Variants in CNTLN observed in about 807,000 individuals in gnomAD.
CNTLN encodes centlein, centrosomal protein.
A neutral mutation model predicts 180.0 loss-of-function variants in CNTLN; 212 were observed. The observed-to-expected ratio is 1.18, with a 90% confidence interval of 1.05 to 1.32. The LOEUF (loss-of-function observed/expected upper bound fraction) is 1.32. Among genes scored for constraint, CNTLN ranks in the 40% most tolerant of loss-of-function variants. CNTLN has a pLI of 0.00. For synonymous variants in CNTLN, 722 were observed against 563.1 expected, an observed-to-expected ratio of 1.28 and a Z score of -3.99; for missense variants, 2,095 against 1,610.9, an observed-to-expected ratio of 1.30 and a Z score of -5.14.
intron 2 of CNTLN, among the ~76,000 whole-genome samples, 178 bp from the exon 3 acceptor site, chr9:17,226,025 C>A (rs1824442931): frequency 6.6e-6 from 1 of 151,594 alleles, no homozygotes; most frequent in South Asian, 2.1e-4. Flanking sequence ...TGAAACTGTT[C>A]TTTTAGTATG....
At chr9:17,338,337 G>GGTTTTTT (rs369684809) in intron 10 of CNTLN, among the ~76,000 whole-genome samples, 4 of 100,436 alleles carry the variant, frequency 4.0e-5, no homozygotes, top group African/African-American at 1.5e-4. Context: ...GCTAATTTTT[G>GGTTTTTT]TTTTTTTTTT....
At chr9:17,343,955 T>C (rs981883481) in intron 12 of CNTLN, among the ~76,000 whole-genome samples, 2 of 152,194 alleles carry the variant, frequency 1.3e-5, no homozygotes, top group African/African-American at 4.8e-5. Context: ...TCCTAGACTA[T>C]CTTCTTTCAC....
intron 5 of CNTLN, among the ~76,000 whole-genome samples, chr9:17,250,929 T>A (rs115442295): frequency 2.6e-5 from 4 of 152,222 alleles, no homozygotes; most frequent in Non-Finnish European, 4.4e-5. Flanking sequence ...GCATTTCTTG[T>A]AGTGCATCTG....
At chr9:17,358,337 A>G (rs1210388159) in intron 12 of CNTLN, among the ~76,000 whole-genome samples, 3 of 152,114 alleles carry the variant, frequency 2.0e-5, no homozygotes, top group Non-Finnish European at 2.9e-5. Context: ...CTTAAAAAGC[A>G]AAAGTTGATT....
chr9:17,360,674 C>T (rs1037512900), intron 12 of CNTLN, among the ~76,000 whole-genome samples: 1 of 152,234 alleles, frequency 6.6e-6, no homozygotes, highest in South Asian at 2.1e-4. Context: ...TTAAGCAGAA[C>T]CTCTTTGTCA....
At position 17,364,082 on chromosome 9, in the gene CNTLN, T is replaced by TA. The variant is rs764753769; in HGVS notation, c.1887-2533dup. Among the ~76,000 whole-genome samples the TA allele has an allele frequency of 5.3e-5, 8 of 152,290 alleles. No homozygotes were observed. In the South Asian group the frequency reaches 1.7e-3, roughly 32 times the overall value. ...TCCTGAAGTTTCACTAAGACATTTT[T>TA]AAGTGTGAACAGAGTTTTATTTACT... is the stretch of plus-strand genomic sequence containing the variant. On this transcript the variant is annotated intron_variant, in intron 12 of 25. Transcript: ENST00000380647.
chr9:17,422,739 G>T (rs1828808206), intron 18 of CNTLN, among the ~76,000 whole-genome samples: 1 of 152,094 alleles, frequency 6.6e-6, no homozygotes, highest in Admixed American at 6.5e-5. Context: ...ATTTATTGAG[G>T]TCATGTTTTC....
rs867575664 is a variant in CNTLN, at chr9:17,157,431, A to C, written c.449+14055A>C. 1.1e-3 allele frequency among the ~76,000 whole-genome samples: 168 copies of C among 152,150 alleles called. 4 individuals are homozygous for C. The highest frequency in any genetic ancestry group is 0.011 in the Admixed American group (168 of 15,268). ...GGTTGAAGCAAGGTGAAGGTAGAGA[A>C]AGGGGGTGGGGTAAGAGGAAGAAAG... On this transcript the variant is annotated intron_variant, in intron 2 of 25. Coordinates refer to ENST00000380647, the MANE Select transcript of CNTLN (RefSeq NM_017738.4).
rs61193447 is a variant in CNTLN at position 17,244,218 on chromosome 9, G to GT, written c.849+7641dup. ...TTTTATAGGTTAGGTTTTTGTTTTT[G>GT]TTTTTTTTTTTGACACATGGTCTCG... On this transcript the variant is annotated intron_variant, in intron 5 of 25. Coordinates refer to ENST00000380647, the MANE Select transcript of CNTLN (RefSeq NM_017738.4). Among the ~76,000 whole-genome samples the GT allele has an allele frequency of 3.4e-3, 243 of 71,480 alleles. 3 individuals carry two copies. Among genetic ancestry groups the GT allele is most frequent in the Non-Finnish European group, 4.9e-3 (165 of 33,636 alleles). The allele number at this position is 71,480 out of a possible 152,430, so 46.9% of individuals were successfully genotyped here. A position where few individuals can be genotyped will look rare whatever the true frequency, so the allele number is the denominator to read the frequency against.
chr9:17,312,374 A>G (rs994023864), intron 8 of CNTLN, among the ~76,000 whole-genome samples: 2 of 57,628 alleles, frequency 3.5e-5, no homozygotes, highest in Non-Finnish European at 7.8e-5. Flanking sequence ...TTATATATAT[A>G]TATATATATA....
chr9:17,153,209 G>T (rs140129359), intron 2 of CNTLN, among the ~76,000 whole-genome samples: 1,596 of 152,246 alleles, frequency 0.01, 30 homozygotes, highest in African/African-American at 0.037. Context: ...GATGTTAGCT[G>T]GTTGTTTTGC....
chr9:17,235,564 T>G, intron 3 of CNTLN, 94 bp from the exon 4 acceptor site: 8 of 997,182 alleles, frequency 8.0e-6, no homozygotes, highest in Non-Finnish European at 1.2e-5. Flanking sequence ...TATTTAATCA[T>G]CACATTAGCA....
chr9:17,386,641 C>T (rs1434992688), intron 13 of CNTLN, among the ~76,000 whole-genome samples: 3 of 146,306 alleles, frequency 2.1e-5, no homozygotes, highest in South Asian at 2.1e-4. Context: ...GAGAAACAAA[C>T]GTCAGCAGAT....
intron 2 of CNTLN, among the ~76,000 whole-genome samples, chr9:17,205,387 A>G (rs1361632689): frequency 6.6e-6 from 1 of 152,240 alleles, no homozygotes; most frequent in African/African-American, 2.4e-5. Context: ...GAACAGGAGA[A>G]GGGAAGAGAC....
chr9:17,375,181 T>G (rs1376835212), intron 13 of CNTLN, among the ~76,000 whole-genome samples: 2 of 152,182 alleles, frequency 1.3e-5, no homozygotes. Flanking sequence ...AAAGACAGAC[T>G]TCACATGTTC....
At chr9:17,385,062 T>G (rs1004194928) in intron 13 of CNTLN, among the ~76,000 whole-genome samples, 3 of 152,220 alleles carry the variant, frequency 2.0e-5, no homozygotes, top group African/African-American at 7.2e-5. Context: ...GTTAATTTGC[T>G]AGAATGGCTC....
chr9:17,233,669 T>C (rs1185542356), intron 3 of CNTLN, among the ~76,000 whole-genome samples: 1 of 152,130 alleles, frequency 6.6e-6, no homozygotes, highest in Non-Finnish European at 1.5e-5. Flanking sequence ...TGATAAAAGA[T>C]GGATAAATAT....
chr9:17,372,831 A>G (rs960877501), intron 13 of CNTLN, among the ~76,000 whole-genome samples: 1 of 152,214 alleles, frequency 6.6e-6, no homozygotes, highest in East Asian at 1.9e-4. Flanking sequence ...ACATTTGGAC[A>G]TTAATCAATG....
chr9:17,409,137 A>G (rs542569708), intron 15 of CNTLN, among the ~76,000 whole-genome samples, 156 bp from the exon 16 acceptor site: 1 of 152,172 alleles, frequency 6.6e-6, no homozygotes, highest in Non-Finnish European at 1.5e-5. Context: ...ATTTAGATTC[A>G]TTTTCCCTTT....
Sources: gnomAD v4.1 joint callset for allele counts (sites outside exome capture counted in the v4.1 genomes callset) on GRCh38, gnomAD v4.1.1 for gene constraint, MANE v1.5 for transcripts, NCBI Gene and HGNC (gene_info 2026-07-23, HGNC 2026-07-21) for gene names.